RAP1A: variants seen among roughly 807,000 people sequenced by gnomAD.
RAP1A encodes the protein ras-related protein Rap-1A.
Under a neutral mutation model 26.4 loss-of-function variants are expected in RAP1A, and 6 were observed. That is an observed-to-expected ratio of 0.23 (90% CI 0.12 to 0.45). The LOEUF is 0.45. Ranked by LOEUF, RAP1A falls within the 20% of genes least tolerant of loss-of-function variation. The pLI, the probability that RAP1A is intolerant of heterozygous loss-of-function variation, is 0.99. For synonymous variants in RAP1A, 73 were observed against 79.4 expected, an observed-to-expected ratio of 0.92 and a Z score of 0.43; for missense variants, 121 against 217.2, an observed-to-expected ratio of 0.56 and a Z score of 2.78.
intron 1 of RAP1A, among the ~76,000 whole-genome samples, chr1:111,672,092 T>C (rs1015779185): frequency 6.8e-6 from 1 of 147,798 alleles, no homozygotes; most frequent in Admixed American, 6.7e-5. Context: ...TGGTGTTCTA[T>C]ATGTCTCTTA....
rs1660583358 is a variant in RAP1A, at chr1:111,660,093, A to G, written c.-27-31241A>G. Among the ~76,000 whole-genome samples, 3 of 152,248 alleles carry G rather than the reference A, an allele frequency of 2.0e-5. No individual in the cohort carries two copies. The South Asian group carries it at 6.2e-4, about 31-fold the overall frequency. On this transcript the variant is annotated intron_variant, in intron 1 of 7. Transcript: ENST00000369709. ...GAAATTTTCACATTTCTTGCAAGGC[A>G]TGTCTGCTGGTGACAAATTCTCTCC...
intron 1 of RAP1A, among the ~76,000 whole-genome samples, chr1:111,669,300 C>G (rs537537069): frequency 1.1e-4 from 17 of 152,306 alleles, no homozygotes; most frequent in African/African-American, 3.9e-4. Flanking sequence ...CTAGCTAAAA[C>G]TTCTGTTTCA....
At chr1:111,563,326 C>G (rs905432447) in intron 1 of RAP1A, among the ~76,000 whole-genome samples, 1 of 152,112 alleles carries the variant, frequency 6.6e-6, no homozygotes, top group African/African-American at 2.4e-5. Context: ...AGTCTGTGCT[C>G]TTAACAACAA....
chr1:111,633,831 T>C (rs1451365850), intron 1 of RAP1A, among the ~76,000 whole-genome samples: 1 of 152,234 alleles, frequency 6.6e-6, no homozygotes, highest in African/African-American at 2.4e-5. Context: ...TTAGATGATA[T>C]ACTCATCCTA....
At chr1:111,577,233 T>A (rs968033353) in intron 1 of RAP1A, among the ~76,000 whole-genome samples, 1 of 151,802 alleles carries the variant, frequency 6.6e-6, no homozygotes, top group African/African-American at 2.4e-5. Flanking sequence ...CAAAACCCTG[T>A]CCGTACTAAA....
intron 1 of RAP1A, among the ~76,000 whole-genome samples, chr1:111,558,684 T>C (rs1657612367): frequency 1.3e-5 from 2 of 152,212 alleles, no homozygotes; most frequent in Admixed American, 6.5e-5. Context: ...TAACCATCAA[T>C]GTTTTTATTT....
At chr1:111,644,978 C>T (rs1161791537) in intron 1 of RAP1A, among the ~76,000 whole-genome samples, 1 of 152,134 alleles carries the variant, frequency 6.6e-6, no homozygotes, top group Non-Finnish European at 1.5e-5. Context: ...CTAGTCTCAA[C>T]CTGAAAAACA....
intron 1 of RAP1A, among the ~76,000 whole-genome samples, chr1:111,606,012 G>A (rs1486249223): frequency 6.6e-6 from 1 of 152,176 alleles, no homozygotes; most frequent in African/African-American, 2.4e-5. Flanking sequence ...CAAGCTGAGG[G>A]CCCAAATGCC....
intron 1 of RAP1A, among the ~76,000 whole-genome samples, chr1:111,660,967 AC>A (rs758392932): frequency 1.8e-4 from 28 of 152,246 alleles, no homozygotes; most frequent in Middle Eastern, 6.8e-3. Flanking sequence ...TAGATTATAA[AC>A]CTACATGCCA....
chr1:111,623,097 A>G (rs542335929), intron 1 of RAP1A, among the ~76,000 whole-genome samples: 30 of 152,106 alleles, frequency 2.0e-4, no homozygotes, highest in South Asian at 1.7e-3. Context: ...GGCTCACTGC[A>G]ACCTCTGCCT....
At chr1:111,657,630 T>G (rs1001795210) in intron 1 of RAP1A, among the ~76,000 whole-genome samples, 2 of 152,194 alleles carry the variant, frequency 1.3e-5, no homozygotes, top group African/African-American at 4.8e-5. Context: ...GAGTTAATTT[T>G]TGTATATGGT....
In RAP1A at chr1:111,608,104, CGG is replaced by C. The variant is rs1283178877; in HGVS notation, c.-28+65598_-28+65599del. 1.2e-4 allele frequency: 20 copies of C among 164,202 alleles called. No homozygotes were observed. The Admixed American group carries it at 1.3e-3, about 11-fold the overall frequency. The allele number at this position is 164,202 out of a possible 1,614,324, so 10.2% of individuals were successfully genotyped here. ...GCGGAGACGCTCCTCACTTCCCAGA[CGG>C]GGTGACTGCCGGGCGGAGGGGCTCC... On this transcript the variant is annotated intron_variant, in intron 1 of 7. Transcript: ENST00000356415.
chr1:111,679,997 T>C (rs556785), intron 1 of RAP1A, among the ~76,000 whole-genome samples: 62,913 of 151,976 alleles, frequency 0.41, 13,264 homozygotes, highest in African/African-American at 0.49. Flanking sequence ...CCTGCCAGCT[T>C]TGAAGAGAGC....
intron 1 of RAP1A, among the ~76,000 whole-genome samples, chr1:111,570,378 G>A (rs1348734931): frequency 6.6e-6 from 1 of 152,126 alleles, no homozygotes; most frequent in East Asian, 1.9e-4. Flanking sequence ...TTTCATGTGC[G>A]TTTGAACCCG....
intron 1 of RAP1A, among the ~76,000 whole-genome samples, chr1:111,650,160 GA>G (rs1442050205): frequency 1.7e-5 from 2 of 120,258 alleles, no homozygotes; most frequent in Non-Finnish European, 1.6e-5. Context: ...ACAATTCTGT[GA>G]AAAAGGTAGG....
chr1:111,545,179 T>C (rs1001758777), intron 1 of RAP1A, among the ~76,000 whole-genome samples: 10 of 152,152 alleles, frequency 6.6e-5, no homozygotes, highest in African/African-American at 2.4e-4. Flanking sequence ...AACTTTATTT[T>C]CAACTTTTTG....
At chr1:111,636,946 G>C (rs1189366303) in intron 1 of RAP1A, among the ~76,000 whole-genome samples, 1 of 152,034 alleles carries the variant, frequency 6.6e-6, no homozygotes, top group Non-Finnish European at 1.5e-5. Context: ...CCATGGAGTG[G>C]TGTGATGATG....
At chr1:111,594,533 G>C (rs899693444) in intron 1 of RAP1A, among the ~76,000 whole-genome samples, 4 of 144,858 alleles carry the variant, frequency 2.8e-5, no homozygotes, top group Non-Finnish European at 6.0e-5. Context: ...GGAAAGGGAA[G>C]AAGGAAGGAA....
chr1:111,688,866 A>G (rs1571563041), intron 1 of RAP1A, among the ~76,000 whole-genome samples: 1 of 138,892 alleles, frequency 7.2e-6, no homozygotes, highest in East Asian at 2.1e-4. Flanking sequence ...ACAGGGTCTC[A>G]CTCTATCGCC....
Sources: gnomAD v4.1 joint callset for allele counts (sites outside exome capture counted in the v4.1 genomes callset) on GRCh38, gnomAD v4.1.1 for gene constraint, MANE v1.5 for transcripts, NCBI Gene and HGNC (gene_info 2026-07-23, HGNC 2026-07-21) for gene names.